Variants in MET observed in about 807,000 individuals in gnomAD.
MET encodes MET proto-oncogene, receptor tyrosine kinase.
Under a neutral mutation model 133.1 loss-of-function variants are expected in MET, and 48 were observed. That is an observed-to-expected ratio of 0.36 (90% CI 0.29 to 0.46). MET has a LOEUF of 0.46. MET is among the 20% of genes least tolerant of loss of function. MET has a pLI of 1.00. For missense variants in MET, 1,442 were observed against 1,695.9 expected (o/e 0.85, Z 2.63); for synonymous variants, 628 against 616.5 (o/e 1.02, Z -0.28).
intron 11 of MET, among the ~76,000 whole-genome samples, chr7:116,765,316 C>G (rs1035134879): frequency 6.8e-6 from 1 of 147,246 alleles, no homozygotes; most frequent in Non-Finnish European, 1.5e-5. Flanking sequence ...AAACCACGTA[C>G]TTCATCAATG....
intron 20 of MET, 38 bp from the exon 21 acceptor site, chr7:116,795,848 CA>C (rs751586503): frequency 6.2e-7 from 1 of 1,614,158 alleles, no homozygotes; most frequent in African/African-American, 1.3e-5. Context: ...TGCCTGCCTT[CA>C]AAGGGTCTCT....
rs200218511 is a variant in MET at position 116,740,984 on chromosome 7, G to A, written c.1660G>A (p.Gly554Arg). ...TGTGCGATCGGAGGAATGCCTGAGC[G>A]GGACATGGACTCAACAGATCTGTCT... ...KCVRSEECLS[G>R]TWTQQICLPA... The change falls in exon 5 of 21, where the codon GGG becomes AGG. Residue 554 changes from glycine to arginine, a missense_variant. Physicochemically the swap from Gly to Arg is moderately radical, Grantham distance 125. Around this residue, in one of 6 missense-constraint regions of MET, gnomAD observed 762 missense variants for 792.4 expected, o/e 0.96. Coordinates refer to ENST00000397752, the MANE Select transcript of MET (RefSeq NM_000245.4). 8 of 1,614,026 alleles carry A rather than the reference G, an allele frequency of 5.0e-6. No individual in the cohort carries two copies. The highest frequency in any genetic ancestry group is 3.3e-5 in the Admixed American group (2 of 60,018).
Position 116,747,514 on chromosome 7 carries a change from C to T in MET, c.1701+6489C>T, listed in dbSNP as rs143785217. Among the ~76,000 whole-genome samples, 1,236 of 152,116 alleles carry T rather than the reference C, an allele frequency of 8.1e-3. 12 individuals are homozygous for T. The highest frequency in any genetic ancestry group is 0.013 in the Non-Finnish European group (908 of 67,976). On this transcript the variant is annotated intron_variant, in intron 5 of 20. Transcript: ENST00000397752. The stretch of plus-strand genomic sequence containing the variant: ...AAACAGACTTCAAACCAACAAAGAT[C>T]AAAAAAGACAAAGAAGGGCATTACA...
At chr7:116,702,991 T>C (rs1239443054) in intron 2 of MET, among the ~76,000 whole-genome samples, 1 of 152,200 alleles carries the variant, frequency 6.6e-6, no homozygotes, top group African/African-American at 2.4e-5. Context: ...TCACATTTCA[T>C]GAAATATGTC....
intron 2 of MET, among the ~76,000 whole-genome samples, chr7:116,712,829 G>C (rs1792049446): frequency 1.3e-5 from 2 of 152,124 alleles, no homozygotes; most frequent in South Asian, 4.2e-4. Context: ...CCAGAGTTTT[G>C]TAATCGAAAT....
intron 1 of MET, among the ~76,000 whole-genome samples, chr7:116,676,843 A>C (rs2116448197): frequency 6.6e-6 from 1 of 152,242 alleles, no homozygotes; most frequent in South Asian, 2.1e-4. Flanking sequence ...GGAGGGAGAT[A>C]CCTGAATAGT....
intron 2 of MET, among the ~76,000 whole-genome samples, chr7:116,721,872 T>C (rs1792500673): frequency 6.6e-6 from 1 of 152,220 alleles, no homozygotes; most frequent in African/African-American, 2.4e-5. Flanking sequence ...ATCTCTGTTC[T>C]CTTACATTTG....
intron 2 of MET, among the ~76,000 whole-genome samples, chr7:116,714,477 C>T (rs1201717315): frequency 6.6e-5 from 10 of 152,118 alleles, no homozygotes; most frequent in Non-Finnish European, 2.9e-5. Context: ...TGTTTAAGCC[C>T]ACACAGATCT....
chr7:116,728,183 T>C (rs985598257), intron 2 of MET, among the ~76,000 whole-genome samples: 2 of 152,218 alleles, frequency 1.3e-5, no homozygotes, highest in East Asian at 1.9e-4. Flanking sequence ...CTTATGAAAT[T>C]TGAATGCCAC....
In MET at chr7:116,699,606, CTG is replaced by C; in HGVS notation, c.527_528del (p.Val176GlyfsTer60). On this transcript the variant is annotated frameshift_variant, in exon 2 of 21. Transcript: ENST00000397752. LOFTEE classifies it high-confidence loss of function. ...QIEEPSQCPDCVVSALGAKVL... is the reference protein window; with the variant it reads ...QIEEPSQCPDXVVSALGAKVL... ...TAGAAGAGCCCAGCCAGTGTCCTGA[CTG>C]TGTGGTGAGCGCCCTGGGAGCCAAA... 6.2e-7 allele frequency: 1 copy of C among 1,614,022 alleles called. No individual in the cohort carries two copies. Among genetic ancestry groups the C allele is most frequent in the Non-Finnish European group, 8.5e-7 (1 of 1,179,956 alleles).
At chr7:116,724,897 A>T (rs1459408373) in intron 2 of MET, 1 of 1,253,702 alleles carries the variant, frequency 8.0e-7, no homozygotes, top group Non-Finnish European at 1.0e-6. Flanking sequence ...TCTTGTTCTG[A>T]GATTCCATGA....
At chr7:116,770,682 T>C (rs982429223) in intron 12 of MET, among the ~76,000 whole-genome samples, 4 of 152,196 alleles carry the variant, frequency 2.6e-5, no homozygotes, top group African/African-American at 9.6e-5. Context: ...AATATTTGTC[T>C]TTTTATGTGT....
chr7:116,738,877 G>C (rs957666091), intron 3 of MET, among the ~76,000 whole-genome samples: 1 of 152,186 alleles, frequency 6.6e-6, no homozygotes, highest in Admixed American at 6.5e-5. Flanking sequence ...AGAAAGCTGA[G>C]GTAGAGGGAG....
At position 116,699,897 on chromosome 7, in the gene MET, T is replaced by C. The variant is rs750586651; in HGVS notation, c.813T>C (p.Ala271=). 4.3e-6 allele frequency: 7 copies of C among 1,614,136 alleles called. No individual in the cohort carries two copies. Among genetic ancestry groups the C allele is most frequent in the East Asian group, 4.5e-5 (2 of 44,884 alleles). ...FLTVQRETLD[A]QTFHTRIIRF... ...CGGTCCAAAGGGAAACTCTAGATGCTCAGACTTTTCACACAAGAATAATCA... is the reference window on the plus strand; with the variant it reads ...CGGTCCAAAGGGAAACTCTAGATGCCCAGACTTTTCACACAAGAATAATCA... The change falls in exon 2 of 21, where the codon GCT becomes GCC. Residue 271 remains alanine, a synonymous_variant. Coordinates refer to ENST00000397752, the MANE Select transcript of MET (RefSeq NM_000245.4).
chr7:116,673,432 G>T (rs1287767258), intron 1 of MET, among the ~76,000 whole-genome samples: 1 of 152,186 alleles, frequency 6.6e-6, no homozygotes, highest in Non-Finnish European at 1.5e-5. Context: ...AAATAATCAA[G>T]ATACTTTAAT....
Position 116,672,215 on chromosome 7 carries a change from C to A in MET, c.-377C>A, listed in dbSNP as rs888382312. ...GCAGACAGACACGTGCTGGGGCGGG[C>A]AGGCGAGCGCCTCAGTCTGGTCGCC... On this transcript the variant is annotated 5_prime_UTR_variant, in exon 1 of 21. Coordinates refer to ENST00000397752, the MANE Select transcript of MET (RefSeq NM_000245.4). Among the ~76,000 whole-genome samples the A allele has an allele frequency of 6.6e-6, 1 of 151,882 alleles. No individual in the cohort carries two copies. Among genetic ancestry groups the A allele is most frequent in the African/African-American group, 2.4e-5 (1 of 41,412 alleles).
intron 3 of MET, among the ~76,000 whole-genome samples, chr7:116,739,748 T>A (rs1050804515): frequency 6.6e-6 from 1 of 152,128 alleles, no homozygotes; most frequent in Non-Finnish European, 1.5e-5. Flanking sequence ...GCAAAGTCTG[T>A]CTTGGGGGTT....
rs1584942863 is a variant in MET at position 116,758,601 on chromosome 7, C to T, written c.2245C>T (p.Pro749Ser). The T allele has an allele frequency of 1.9e-6, 3 of 1,613,668 alleles. No individual in the cohort carries two copies. Among genetic ancestry groups the T allele is most frequent in the Non-Finnish European group, 2.5e-6 (3 of 1,179,818 alleles). ...REDPIVYEIHPTKSFISGGST... is the reference protein window; with the variant it reads ...REDPIVYEIHSTKSFISGGST... ...AGATCCCATTGTCTATGAAATTCAT[C>T]CAACCAAATCTTTTATTAGGTAAGT... The change falls in exon 9 of 21, where the codon CCA becomes TCA. Residue 749 changes from proline to serine, a missense_variant. Physicochemically the swap from Pro to Ser is moderately conservative, Grantham distance 74 (BLOSUM62 -1). This residue lies in a region of MET where 514 missense variants were observed against 659.6 expected (regional missense o/e 0.78). Transcript: ENST00000397752.
rs756911444 is a variant in MET at position 116,699,342 on chromosome 7, T to G, written c.258T>G (p.Thr86=). The part of the protein sequence containing the change: ...EDLQKVAEYK[T]GPVLEHPDCF... ...TTCAGAAGGTTGCTGAGTACAAGAC[T>G]GGGCCTGTGCTGGAACACCCAGATT... The change falls in exon 2 of 21, where the codon ACT becomes ACG. Residue 86 remains threonine (T), a synonymous_variant. Coordinates refer to ENST00000397752, the MANE Select transcript of MET (RefSeq NM_000245.4). 6.2e-7 allele frequency: 1 copy of G among 1,614,054 alleles called. No individual in the cohort carries two copies. The highest frequency in any genetic ancestry group is 1.7e-4 in the Middle Eastern group (1 of 6,060).
Sources: gnomAD v4.1 joint callset for allele counts (sites outside exome capture counted in the v4.1 genomes callset) on GRCh38, gnomAD v4.1.1 for gene constraint, gnomAD v4.1.1 regional missense constraint, MANE v1.5 for transcripts, NCBI Gene and HGNC (gene_info 2026-07-23, HGNC 2026-07-21) for gene names.